Variants in TRAPPC11 observed in about 807,000 individuals in gnomAD.
The protein encoded by TRAPPC11 is foie gras homolog.
In TRAPPC11, 104 loss-of-function variants were observed where a neutral mutation model predicts 151.2. The observed-to-expected ratio is 0.69, with a 90% CI of 0.59 to 0.81. The LOEUF (loss-of-function observed/expected upper bound fraction) is 0.81, where lower values mean the gene tolerates loss of function less well. TRAPPC11 is among the 30% of genes least tolerant of loss of function. The probability of loss-of-function intolerance (pLI) is 0.00; values close to 1 mark genes in which losing one functional copy is unlikely to be tolerated. For missense variants in TRAPPC11, 1,230 were observed against 1,349.6 expected (o/e 0.91, Z 1.39); for synonymous variants, 456 against 472.3 (o/e 0.97, Z 0.45).
rs1736442342 is a variant in TRAPPC11, at chr4:183,694,719, AC to A, written c.2625del (p.His875GlnfsTer6). The A allele has an allele frequency of 1.9e-6, 3 of 1,605,098 alleles. No homozygotes were observed. The highest frequency in any genetic ancestry group is 2.5e-6 in the Non-Finnish European group (3 of 1,178,222). ...GAAAAAGAAATTGTTTGCAAGTGTCACAAGGTATTTTTTTATAGCTACTTTA... is the reference window on the plus strand; with the variant it reads ...GAAAAAGAAATTGTTTGCAAGTGTCAAAGGTATTTTTTTATAGCTACTTTA... ...VEEKEIVCKC[H>X]KDETVTIETV... On this transcript the variant is annotated frameshift_variant, in exon 23 of 30. Transcript: ENST00000334690. LOFTEE classifies it high-confidence loss of function.
rs995274086 is a variant in TRAPPC11, at chr4:183,675,360, G to A, written c.734+123G>A. The A allele has an allele frequency of 1.8e-5, 9 of 493,920 alleles. No individual in the cohort carries two copies. The South Asian group carries it at 4.9e-4, about 27-fold the overall frequency. 30.6% of individuals were successfully genotyped at this position (493,920 alleles called of 1,614,324 possible). On this transcript the variant is annotated intron_variant, in intron 7 of 29. Transcript: ENST00000334690. ...AAGTGTTCATATTGCTTAGATTTAG[G>A]AATTAGTGTAGAGATGAATGGAGTA...
At chr4:183,696,393 T>A (rs1284190903) in intron 23 of TRAPPC11, among the ~76,000 whole-genome samples, 1 of 152,170 alleles carries the variant, frequency 6.6e-6, no homozygotes, top group Admixed American at 6.6e-5. Flanking sequence ...TTTTTTCTTC[T>A]TTCTTTTATT....
intron 4 of TRAPPC11, 24 bp downstream of exon 4, chr4:183,667,154 T>C: frequency 6.4e-7 from 1 of 1,574,750 alleles, no homozygotes; most frequent in Non-Finnish European, 8.7e-7. Flanking sequence ...AATTAATGAA[T>C]TAATTGTTTT....
chr4:183,698,738 C>G (rs973291787), intron 25 of TRAPPC11, among the ~76,000 whole-genome samples: 7 of 152,144 alleles, frequency 4.6e-5, no homozygotes, highest in Admixed American at 1.3e-4. Context: ...CGTTGGTTCT[C>G]TTGTTCTTTC....
At chr4:183,681,296 A>G (rs1015817032) in intron 10 of TRAPPC11, among the ~76,000 whole-genome samples, 2 of 151,860 alleles carry the variant, frequency 1.3e-5, no homozygotes, top group Non-Finnish European at 2.9e-5. Flanking sequence ...AAATGAATGG[A>G]TTTTTTTCTC....
In TRAPPC11 at chr4:183,684,852, G is replaced by A. The variant is rs1157265495; in HGVS notation, c.1567+11G>A. ...AACTCCTTGGTAGAGGTAACCTGAT[G>A]TTTTTTGAGTAAAATTCTTGATACA... On this transcript the variant is annotated intron_variant, in intron 15 of 29. Transcript: ENST00000334690. The A allele has an allele frequency of 2.5e-6, 4 of 1,602,634 alleles. No homozygotes were observed. Among genetic ancestry groups the A allele is most frequent in the Admixed American group, 1.7e-5 (1 of 57,256 alleles).
chr4:183,674,636 G>A, intron 5 of TRAPPC11, 77 bp from the exon 6 acceptor site: 1 of 734,746 alleles, frequency 1.4e-6, no homozygotes, highest in Non-Finnish European at 2.2e-6. Flanking sequence ...TTACTTTCAG[G>A]TCTCACAAAT....
Position 183,712,644 on chromosome 4 carries a change from A to G in TRAPPC11, c.3402A>G (p.Ter1134TrpextTer23). ...LMDDTSIAAA[*>W] ...ATGATACCTCTATTGCTGCTGCATG[A>G]TGTTCAAGACCGGCCCTTGGCTGTT... The change falls in exon 30 of 30, where the codon TGA (stop) becomes TGG (tryptophan). Residue 1134 changes from the stop codon to tryptophan, a stop_lost. Transcript: ENST00000334690. 1.2e-6 allele frequency: 2 copies of G among 1,614,156 alleles called. No homozygotes were observed. Among genetic ancestry groups the G allele is most frequent in the Non-Finnish European group, 1.7e-6 (2 of 1,180,020 alleles).
At chr4:183,675,056 A>T in intron 6 of TRAPPC11, 108 bp from the exon 7 acceptor site, 1 of 613,982 alleles carries the variant, frequency 1.6e-6, no homozygotes. Flanking sequence ...CTTGTATTTC[A>T]GTTTTGAATA....
intron 5 of TRAPPC11, among the ~76,000 whole-genome samples, chr4:183,672,839 C>G (rs1561033114): frequency 6.6e-6 from 1 of 152,218 alleles, no homozygotes; most frequent in South Asian, 2.1e-4. Context: ...AATACTGATT[C>G]TCTATTGAGA....
At chr4:183,665,218 C>T (rs774626077) in intron 2 of TRAPPC11, among the ~76,000 whole-genome samples, 7 of 151,568 alleles carry the variant, frequency 4.6e-5, no homozygotes, top group Admixed American at 2.0e-4. Context: ...CTTCAGCCTC[C>T]CGAGTGGCTG....
chr4:183,670,193 T>TTACCTA (rs1579165346), intron 5 of TRAPPC11, among the ~76,000 whole-genome samples: 2 of 152,332 alleles, frequency 1.3e-5, no homozygotes, highest in East Asian at 3.9e-4. Flanking sequence ...TTTCGAGGTA[T>TTACCTA]TACCTATACA....
chr4:183,684,329 A>G lies in TRAPPC11; in HGVS notation c.1391A>G (p.Tyr464Cys), dbSNP rs1258652109. The change falls in exon 14 of 30, where the codon TAT becomes TGT. Residue 464 changes from tyrosine (Y) to cysteine (C), a missense_variant. Transcript: ENST00000334690. ...GTGGTTCAGATGGGAGAGGAATATTATTACGCAAAGGATTATACCAAAGCT... is the reference window on the plus strand; with the variant it reads ...GTGGTTCAGATGGGAGAGGAATATTGTTACGCAAAGGATTATACCAAAGCT... ...HLMVQMGEEY[Y>C]YAKDYTKALK... 3.7e-6 allele frequency: 6 copies of G among 1,613,724 alleles called. No homozygotes were observed. The East Asian group carries it at 6.7e-5, about 18-fold the overall frequency.
In TRAPPC11 at chr4:183,680,190, C is replaced by T. The variant is rs765654223; in HGVS notation, c.1036C>T (p.Pro346Ser). The stretch of plus-strand genomic sequence containing the variant: ...GTTAACAGCTATTCAAACTCAGAAT[C>T]CTGGTTTCTATTACCAGCAGGCAGC... ...LGLTAIQTQN[P>S]GFYYQQAAYY... Residue 346 changes from proline (P) to serine (S), a missense_variant, in exon 10 of 30, where the codon CCT (proline) becomes TCT (serine). Pro to Ser is a moderately conservative substitution (Grantham distance 74). Transcript: ENST00000334690. 1.2e-6 allele frequency: 2 copies of T among 1,613,964 alleles called. No homozygotes were observed. The highest frequency in any genetic ancestry group is 2.2e-5 in the South Asian group (2 of 91,074).
At position 183,665,091 on chromosome 4, in the gene TRAPPC11, CT is replaced by C. The variant is rs66913932; in HGVS notation, c.204+1041del. ...TCACACGATTATTTTTCTTTTCTTT[CT>C]TTTTTTTTTTTTTTTTTTTTGAGAC... On this transcript the variant is annotated intron_variant, in intron 2 of 29. Coordinates refer to ENST00000334690, the MANE Select transcript of TRAPPC11 (RefSeq NM_021942.6). 1.0e-3 allele frequency among the ~76,000 whole-genome samples: 108 copies of C among 106,428 alleles called. No homozygotes were observed. The South Asian group carries it at 0.021, about 21-fold the overall frequency. 69.8% of individuals were successfully genotyped at this position (106,428 alleles called of 152,430 possible).
chr4:183,703,968 G>A (rs1736923496), intron 26 of TRAPPC11, among the ~76,000 whole-genome samples: 1 of 152,122 alleles, frequency 6.6e-6, no homozygotes, highest in African/African-American at 2.4e-5. Flanking sequence ...GTGGTCTGGG[G>A]CCCACCTGTA....
rs765212504 is a variant in TRAPPC11 at position 183,694,615 on chromosome 4, G to A, written c.2520G>A (p.Met840Ile). The change falls in exon 23 of 30, where the codon ATG becomes ATA. Residue 840 changes from methionine (M) to isoleucine (I), a missense_variant. Transcript: ENST00000334690. ...DLHPGEQLEK[M>I]LYVRCGTVGS... The stretch of plus-strand genomic sequence containing the variant: ...TTATTTTGTTACAGCTGGAAAAAAT[G>A]TTGTATGTTCGCTGTGGAACAGTGG... 2 of 1,612,336 alleles carry A rather than the reference G, an allele frequency of 1.2e-6. No individual in the cohort carries two copies. Among genetic ancestry groups the A allele is most frequent in the Non-Finnish European group, 1.7e-6 (2 of 1,179,036 alleles).
At position 183,670,822 on chromosome 4, in the gene TRAPPC11, G is replaced by C. The variant is rs866732738; in HGVS notation, c.560+2705G>C. 5.9e-5 allele frequency among the ~76,000 whole-genome samples: 9 copies of C among 152,102 alleles called. 1 individual carries two copies. In the South Asian group the frequency reaches 8.3e-4, roughly 14 times the overall value. On this transcript the variant is annotated intron_variant, in intron 5 of 29. Transcript: ENST00000334690. ...TTTTTTTGAGACAAAGTCTCACTCT[G>C]TCGCCCAGGCTGGAGTGCAGTGGCG...
At chr4:183,689,318 A>G (rs944723532) in intron 18 of TRAPPC11, among the ~76,000 whole-genome samples, 1 of 151,948 alleles carries the variant, frequency 6.6e-6, no homozygotes, top group Non-Finnish European at 1.5e-5. Flanking sequence ...GAGGTTTTGT[A>G]CATGCCCTTT....
Sources: allele counts gnomAD v4.1 joint callset (sites outside exome capture counted in the v4.1 genomes callset), GRCh38; gene constraint gnomAD v4.1.1; transcripts MANE v1.5; gene names NCBI Gene and HGNC (gene_info 2026-07-23, HGNC 2026-07-21).